Variants in CSGALNACT1 observed in about 807,000 individuals in gnomAD.
CSGALNACT1 encodes the protein beta4GalNAcT-1.
A neutral mutation model predicts 51.0 loss-of-function variants in CSGALNACT1; 52 were observed. The ratio of observed to expected loss-of-function variants is 1.02; its 90% confidence interval spans 0.82 to 1.29. The LOEUF (loss-of-function observed/expected upper bound fraction) is 1.29, where lower values mean the gene tolerates loss of function less well. CSGALNACT1 is among the 50% of genes most tolerant of loss of function. The pLI, the probability that CSGALNACT1 is intolerant of heterozygous loss-of-function variation, is 0.00. For synonymous variants in CSGALNACT1, 341 were observed against 254.4 expected (o/e 1.34, Z -3.24); for missense variants, 935 against 679.2 (o/e 1.38, Z -4.19).
At chr8:19,628,653 CTTT>C in intron 1 of CSGALNACT1, among the ~76,000 whole-genome samples, 1 of 146,654 alleles carries the variant, frequency 6.8e-6, no homozygotes, top group East Asian at 2.0e-4. Context: ...AATCAATAGG[CTTT>C]TTTTTTTTGT....
intron 1 of CSGALNACT1, among the ~76,000 whole-genome samples, chr8:19,614,633 A>G (rs902232018): frequency 1.3e-5 from 2 of 152,104 alleles, no homozygotes; most frequent in Admixed American, 6.5e-5. Context: ...GATTGGTTTT[A>G]TGCTTCTCAT....
At chr8:19,636,608 G>A (rs959366106) in intron 1 of CSGALNACT1, among the ~76,000 whole-genome samples, 1 of 152,146 alleles carries the variant, frequency 6.6e-6, no homozygotes, top group Non-Finnish European at 1.5e-5. Context: ...ACCTGAACAA[G>A]ACCTGTCTTT....
intron 4 of CSGALNACT1, among the ~76,000 whole-genome samples, chr8:19,468,509 A>C (rs2067263672): frequency 6.6e-6 from 1 of 152,062 alleles, no homozygotes; most frequent in South Asian, 2.1e-4. Flanking sequence ...CAGGATATTC[A>C]CCTTAGAGCA....
rs188694182 is a variant in CSGALNACT1, at chr8:19,588,338, C to T, written c.-297+2822G>A. Among the ~76,000 whole-genome samples, 11 of 152,224 alleles carry T rather than the reference C, an allele frequency of 7.2e-5. No individual in the cohort carries two copies. In the East Asian group the frequency reaches 2.1e-3, roughly 29 times the overall value. ...CAAAGTTATCAGTATCATATTAATA[C>T]TCCTAATATCATATTCTAGCCAGTG... On this transcript the variant is annotated intron_variant, in intron 3 of 9. Coordinates refer to ENST00000454498, the Ensembl canonical transcript of CSGALNACT1.
chr8:19,571,732 T>C (rs927664057), intron 3 of CSGALNACT1, among the ~76,000 whole-genome samples: 41 of 152,234 alleles, frequency 2.7e-4, no homozygotes, highest in African/African-American at 9.4e-4. Flanking sequence ...GCCTCAGCTA[T>C]TTCAGCCACT....
intron 1 of CSGALNACT1, among the ~76,000 whole-genome samples, chr8:19,609,293 G>C (rs982675423): frequency 6.7e-6 from 1 of 148,952 alleles, no homozygotes. Flanking sequence ...TATGCATACA[G>C]AATGTAAATG....
intron 1 of CSGALNACT1, among the ~76,000 whole-genome samples, chr8:19,670,441 T>C (rs562597786): frequency 6.6e-6 from 1 of 152,210 alleles, no homozygotes; most frequent in South Asian, 2.1e-4. Flanking sequence ...GCTTTTTAAA[T>C]GTTAATAAGA....
intron 1 of CSGALNACT1, among the ~76,000 whole-genome samples, chr8:19,691,169 C>T (rs770830835): frequency 3.9e-5 from 6 of 152,222 alleles, no homozygotes; most frequent in Non-Finnish European, 7.3e-5. Flanking sequence ...CAAGAGGCCA[C>T]GCCCGAAGGA....
At chr8:19,732,690 A>C (rs972506112) in intron 1 of CSGALNACT1, 9 of 152,244 alleles carry the variant, frequency 5.9e-5, no homozygotes, top group Non-Finnish European at 1.3e-4. Flanking sequence ...TTTAGGCAAT[A>C]GATCAAGTTG....
At chr8:19,417,991 G>C (rs2057217214) in intron 8 of CSGALNACT1, among the ~76,000 whole-genome samples, 1 of 152,150 alleles carries the variant, frequency 6.6e-6, no homozygotes, top group South Asian at 2.1e-4. Flanking sequence ...CACCCTACAG[G>C]GACCCTTGGG....
At chr8:19,510,886 A>C (rs1027296771) in intron 3 of CSGALNACT1, among the ~76,000 whole-genome samples, 3 of 152,226 alleles carry the variant, frequency 2.0e-5, no homozygotes, top group Admixed American at 6.5e-5. Context: ...GACTTAAACG[A>C]AATGTGGCCA....
chr8:19,633,161 C>T (rs896793441), intron 1 of CSGALNACT1, among the ~76,000 whole-genome samples: 8 of 152,054 alleles, frequency 5.3e-5, no homozygotes, highest in African/African-American at 1.9e-4. Context: ...ACCTCTGGCA[C>T]AGGAGGTACT....
intron 4 of CSGALNACT1, among the ~76,000 whole-genome samples, chr8:19,494,318 C>A (rs1353495169): frequency 6.6e-6 from 1 of 152,118 alleles, no homozygotes; most frequent in East Asian, 1.9e-4. Context: ...AACACACACA[C>A]ATCTTTGGCC....
At chr8:19,565,753 T>C (rs1055212380) in intron 3 of CSGALNACT1, among the ~76,000 whole-genome samples, 4 of 152,126 alleles carry the variant, frequency 2.6e-5, no homozygotes, top group Admixed American at 2.6e-4. Context: ...ACGCTGTCTC[T>C]ACTAAAAATG....
At chr8:19,546,112 T>C (rs939295731) in intron 3 of CSGALNACT1, among the ~76,000 whole-genome samples, 1 of 152,074 alleles carries the variant, frequency 6.6e-6, no homozygotes, top group Non-Finnish European at 1.5e-5. Context: ...AGACTCAATA[T>C]ATTTTACACA....
At chr8:19,594,317 T>C (rs1029444206) in intron 2 of CSGALNACT1, among the ~76,000 whole-genome samples, 2 of 152,298 alleles carry the variant, frequency 1.3e-5, no homozygotes, top group East Asian at 1.9e-4. Context: ...TCAAGGACAG[T>C]GGTCAAAGTG....
chr8:19,648,763 C>G (rs980417196), intron 1 of CSGALNACT1, among the ~76,000 whole-genome samples: 2 of 152,116 alleles, frequency 1.3e-5, no homozygotes, highest in Non-Finnish European at 2.9e-5. Context: ...CATGGTGGCG[C>G]CAACTGCACT....
chr8:19,504,477 A>G (rs1160741162), intron 4 of CSGALNACT1, among the ~76,000 whole-genome samples: 1 of 152,232 alleles, frequency 6.6e-6, no homozygotes, highest in African/African-American at 2.4e-5. Context: ...GTAACAATAG[A>G]TAAGTTAAAA....
chr8:19,530,481 G>C (rs2082553010), intron 3 of CSGALNACT1, among the ~76,000 whole-genome samples: 1 of 152,118 alleles, frequency 6.6e-6, no homozygotes, highest in African/African-American at 2.4e-5. Flanking sequence ...CTACATTTAT[G>C]CATTATAATC....
Sources: allele counts gnomAD v4.1 joint callset (sites outside exome capture counted in the v4.1 genomes callset), GRCh38; gene constraint gnomAD v4.1.1; transcripts MANE v1.5; gene names NCBI Gene and HGNC (gene_info 2026-07-23, HGNC 2026-07-21).